UBE4B: variants seen among roughly 807,000 people sequenced by gnomAD.
UBE4B encodes the protein ubiquitin conjugation factor E4 B.
Under a neutral mutation model 148.1 loss-of-function variants are expected in UBE4B, and 27 were observed. The observed-to-expected ratio is 0.18, with a 90% CI of 0.13 to 0.25. The LOEUF (loss-of-function observed/expected upper bound fraction) is 0.25, where lower values mean the gene tolerates loss of function less well. Among genes scored for constraint, UBE4B ranks in the 10% least tolerant of loss-of-function variants. The pLI, the probability that UBE4B is intolerant of heterozygous loss-of-function variation, is 1.00. For missense variants in UBE4B, 1,170 were observed against 1,662.4 expected (o/e 0.70, Z 5.15); for synonymous variants, 596 against 619.3 (o/e 0.96, Z 0.56).
At position 10,178,764 on chromosome 1, in the gene UBE4B, G is replaced by T; in HGVS notation, c.3646G>T (p.Ala1216Ser). 1 of 1,613,800 alleles carries T rather than the reference G, an allele frequency of 6.2e-7. No homozygotes were observed. The highest frequency in any genetic ancestry group is 8.5e-7 in the Non-Finnish European group (1 of 1,179,908). ...CGCCGAGAAAGTGGAGGAGATAGTG[G>T]CCAAGAACGCACGCGCAGAAATCGA... ...LLAEKVEEIV[A>S]KNARAEIDYS... is the part of the protein sequence containing the mutation. The change falls in exon 26 of 28, where the codon GCC becomes TCC. Residue 1216 changes from alanine (A) to serine (S), a missense_variant. Coordinates refer to ENST00000343090, the MANE Select transcript of UBE4B (RefSeq NM_001105562.3).
At chr1:10,114,079 G>GAAAAAAAAAAAAAAAAAAAAAAAAAAAAA (rs1175645933) in intron 7 of UBE4B, among the ~76,000 whole-genome samples, 1 of 111,852 alleles carries the variant, frequency 8.9e-6, no homozygotes, top group South Asian at 3.2e-4. Context: ...AAAAAAAAAA[G>GAAAAAAAAAAAAAAAAAAAAAAAAAAAAA]AAAAAAAAAA....
chr1:10,087,316 T>C (rs903123496), intron 2 of UBE4B, among the ~76,000 whole-genome samples: 1 of 152,188 alleles, frequency 6.6e-6, no homozygotes, highest in Non-Finnish European at 1.5e-5. Context: ...TATTTTGGAC[T>C]AACTTTCAAT....
At chr1:10,083,698 T>G (rs1644719741) in intron 2 of UBE4B, among the ~76,000 whole-genome samples, 1 of 152,136 alleles carries the variant, frequency 6.6e-6, no homozygotes, top group South Asian at 2.1e-4. Flanking sequence ...CCTAAAAGGC[T>G]ACTGAGTTCA....
intron 1 of UBE4B, among the ~76,000 whole-genome samples, chr1:10,065,928 A>T (rs1373877896): frequency 6.6e-6 from 1 of 152,094 alleles, no homozygotes; most frequent in African/African-American, 2.4e-5. Context: ...TTTTCAATTC[A>T]ATTTTTTAAA....
At chr1:10,123,118 AAGTGAACTCTC>A (rs1240977488) in intron 10 of UBE4B, among the ~76,000 whole-genome samples, 1 of 152,128 alleles carries the variant, frequency 6.6e-6, no homozygotes, top group Non-Finnish European at 1.5e-5. Flanking sequence ...CTAGAAGGGT[AAGTGAACTCTC>A]AGGAAAATAA....
chr1:10,071,520 C>T (rs933028424), intron 1 of UBE4B, among the ~76,000 whole-genome samples: 1 of 152,234 alleles, frequency 6.6e-6, no homozygotes, highest in Admixed American at 6.5e-5. Flanking sequence ...CCCAGGAGTT[C>T]AAGGCTGCAG....
intron 23 of UBE4B, among the ~76,000 whole-genome samples, chr1:10,167,654 G>A (rs966417150): frequency 2.8e-5 from 4 of 144,612 alleles, no homozygotes; most frequent in Non-Finnish European, 6.0e-5. Context: ...GTACAGTGGC[G>A]CGATCTCAGC....
At chr1:10,097,608 G>A (rs1162357237) in intron 3 of UBE4B, among the ~76,000 whole-genome samples, 1 of 152,098 alleles carries the variant, frequency 6.6e-6, no homozygotes, top group Non-Finnish European at 1.5e-5. Flanking sequence ...TCAGGAGTTC[G>A]AGACCAGCCT....
intron 2 of UBE4B, among the ~76,000 whole-genome samples, chr1:10,075,027 C>G (rs1383190421): frequency 6.6e-6 from 1 of 152,178 alleles, no homozygotes; most frequent in African/African-American, 2.4e-5. Flanking sequence ...TTTATCTTCT[C>G]CCAGGTTTCC....
Position 10,072,042 on chromosome 1 carries a change from C to T in UBE4B, c.39C>T (p.Arg13=), listed in dbSNP as rs1169146507. The change falls in exon 2 of 28, where the codon CGC becomes CGT. Residue 13 remains arginine, a synonymous_variant. Coordinates refer to ENST00000343090, the MANE Select transcript of UBE4B (RefSeq NM_001105562.3). ...ELSADEIRRR[R]LARLAGGQTS... is the part of the protein sequence containing the mutation. ...TCATGTTGTAGATTCGACGGAGGCG[C>T]CTTGCACGACTTGCTGGTGGACAGA... 6.3e-7 allele frequency: 1 copy of T among 1,595,058 alleles called. No homozygotes were observed. Among genetic ancestry groups the T allele is most frequent in the South Asian group, 1.1e-5 (1 of 88,862 alleles).
chr1:10,107,471 G>A, intron 7 of UBE4B: 1 of 1,203,436 alleles, frequency 8.3e-7, no homozygotes, highest in Non-Finnish European at 1.1e-6. Context: ...AATCCAGGCA[G>A]GATAGGGTCA....
chr1:10,173,479 CAA>C (rs551633759), intron 25 of UBE4B, among the ~76,000 whole-genome samples: 6 of 124,240 alleles, frequency 4.8e-5, no homozygotes, highest in East Asian at 4.8e-4. Flanking sequence ...AAGACTGTCT[CAA>C]AAAAAAAAAA....
intron 17 of UBE4B, among the ~76,000 whole-genome samples, chr1:10,139,637 A>G (rs1645754492): frequency 6.6e-6 from 1 of 152,142 alleles, no homozygotes; most frequent in African/African-American, 2.4e-5. Context: ...AAAGTTTGAA[A>G]ATGTTTTGGC....
chr1:10,042,360 C>G (rs545704839), intron 1 of UBE4B, among the ~76,000 whole-genome samples: 1 of 152,208 alleles, frequency 6.6e-6, no homozygotes, highest in South Asian at 2.1e-4. Context: ...GGATAAAAAA[C>G]AAGCATGGCC....
chr1:10,158,595 C>A, intron 22 of UBE4B, 113 bp downstream of exon 22: 1 of 1,395,562 alleles, frequency 7.2e-7, no homozygotes, highest in Non-Finnish European at 9.7e-7. Flanking sequence ...TGGTCTCAGA[C>A]TCCTTTGAGT....
At chr1:10,126,720 C>A in intron 10 of UBE4B, 74 bp from the exon 11 acceptor site, 1 of 1,288,394 alleles carries the variant, frequency 7.8e-7, no homozygotes, top group Non-Finnish European at 1.1e-6. Context: ...TCAGTTCTAG[C>A]ACCTTATTTG....
chr1:10,174,466 C>G (rs183626245), intron 25 of UBE4B, among the ~76,000 whole-genome samples: 2 of 150,988 alleles, frequency 1.3e-5, no homozygotes, highest in African/African-American at 4.9e-5. Context: ...TTTGGGGAGC[C>G]GAGGCGGGCA....
chr1:10,087,185 C>T (rs1570858577), intron 2 of UBE4B, among the ~76,000 whole-genome samples: 1 of 152,204 alleles, frequency 6.6e-6, no homozygotes, highest in East Asian at 1.9e-4. Flanking sequence ...ATGAAGTAGG[C>T]TGCACAGATG....
chr1:10,066,396 T>C (rs1349002827), intron 1 of UBE4B, among the ~76,000 whole-genome samples: 1 of 151,866 alleles, frequency 6.6e-6, no homozygotes, highest in African/African-American at 2.4e-5. Context: ...CCCAGAGTGC[T>C]GAGATTACAG....
Sources: gnomAD v4.1 joint callset for allele counts (sites outside exome capture counted in the v4.1 genomes callset) on GRCh38, gnomAD v4.1.1 for gene constraint, MANE v1.5 for transcripts, NCBI Gene and HGNC (gene_info 2026-07-23, HGNC 2026-07-21) for gene names.